The following ZNF736 variants were observed in gnomAD, a reference collection of about 807,000 sequenced individuals.
The protein encoded by ZNF736 is zinc finger protein 736.
A neutral mutation model predicts 11.7 loss-of-function variants in ZNF736; 6 were observed. The observed-to-expected ratio is 0.51, with a 90% confidence interval of 0.28 to 1.01. The LOEUF (loss-of-function observed/expected upper bound fraction) is 1.01, where lower values mean the gene tolerates loss of function less well. Among genes scored for constraint, ZNF736 ranks in the 50% least tolerant of loss-of-function variants. The pLI, the probability that ZNF736 is intolerant of heterozygous loss-of-function variation, is 0.09. For missense variants in ZNF736, 444 were observed against 496.0 expected (o/e 0.90, Z 1.00); for synonymous variants, 139 against 164.7 (o/e 0.84, Z 1.19).
In ZNF736 at chr7:64,338,718, G is replaced by GTT. The variant is rs34536557; in HGVS notation, c.226+1745_226+1746dup. ...ATATTCTATTTTGTATACATGCCAT[G>GTT]TTTTTTTTTTGTGCAGTCAGTTTCC... On this transcript the variant is annotated intron_variant, in intron 3 of 3. Transcript: ENST00000423484. Among the ~76,000 whole-genome samples, 1,440 of 147,908 alleles carry GTT rather than the reference G, an allele frequency of 9.7e-3. 16 individuals carry two copies. Among genetic ancestry groups the GTT allele is most frequent in the Middle Eastern group, 0.035 (10 of 288 alleles).
chr7:64,344,443 C>T (rs1488187304), intron 3 of ZNF736, among the ~76,000 whole-genome samples: 4 of 152,210 alleles, frequency 2.6e-5, no homozygotes, highest in Non-Finnish European at 5.9e-5. Context: ...CATGAATCCA[C>T]TACTCATTTT....
intron 2 of ZNF736, among the ~76,000 whole-genome samples, chr7:64,336,596 A>T (rs1441250318): frequency 6.6e-6 from 1 of 152,190 alleles, no homozygotes; most frequent in Non-Finnish European, 1.5e-5. Flanking sequence ...TGTATACTTC[A>T]GTCTAAATTA....
At chr7:64,336,510 G>A (rs1789252759) in intron 2 of ZNF736, 125 bp downstream of exon 2, 17 of 1,039,140 alleles carry the variant, frequency 1.6e-5, no homozygotes, top group Non-Finnish European at 2.1e-5. Context: ...AAAAAATTGG[G>A]TATCTGTTGA....
chr7:64,332,907 G>T (rs1156293271), intron 1 of ZNF736, among the ~76,000 whole-genome samples: 1 of 152,018 alleles, frequency 6.6e-6, no homozygotes, highest in African/African-American at 2.4e-5. Flanking sequence ...GTCTTCCCTT[G>T]TTCCCTAAAA....
Position 64,336,301 on chromosome 7 carries a change from G to T in ZNF736, c.46G>T (p.Glu16Ter). ...FRDVAVEFSP[E>*]EWECLDSAQQ... The stretch of plus-strand genomic sequence containing the variant: ...GGATGTGGCTGTAGAATTCTCCCCA[G>T]AAGAGTGGGAATGCCTGGACTCTGC... The change falls in exon 2 of 4, where the codon GAA becomes TAA. Residue 16 changes from glutamate to a stop codon, truncating the protein, a stop_gained. Transcript: ENST00000423484. LOFTEE classifies it high-confidence loss of function. The T allele has an allele frequency of 1.9e-6, 3 of 1,613,484 alleles. No homozygotes were observed. The highest frequency in any genetic ancestry group is 2.5e-6 in the Non-Finnish European group (3 of 1,179,720).
intron 1 of ZNF736, among the ~76,000 whole-genome samples, chr7:64,315,341 G>C (rs1372488598): frequency 6.6e-6 from 1 of 151,706 alleles, no homozygotes; most frequent in African/African-American, 2.4e-5. Flanking sequence ...TTGTTTGGGG[G>C]CTCAAAGGAG....
At chr7:64,318,707 CCAGTTATCTTT>C (rs1339922112) in intron 1 of ZNF736, among the ~76,000 whole-genome samples, 3 of 151,954 alleles carry the variant, frequency 2.0e-5, no homozygotes, top group African/African-American at 7.3e-5. Flanking sequence ...TAATTCATGA[CCAGTTATCTTT>C]AAGTTAATTC....
chr7:64,331,852 C>G (rs1789172082), intron 1 of ZNF736, among the ~76,000 whole-genome samples: 1 of 152,106 alleles, frequency 6.6e-6, no homozygotes, highest in East Asian at 1.9e-4. Context: ...GCATCTGTGG[C>G]AGAGAAAGGC....
intron 1 of ZNF736, 89 bp downstream of exon 1, chr7:64,314,242 G>A: frequency 1.3e-6 from 2 of 1,510,254 alleles, no homozygotes; most frequent in Non-Finnish European, 1.8e-6. Flanking sequence ...GGGCCTTCTC[G>A]CGGTCTGCTC....
chr7:64,329,781 C>T (rs369457538), intron 1 of ZNF736, among the ~76,000 whole-genome samples: 121 of 152,330 alleles, frequency 7.9e-4, no homozygotes, highest in African/African-American at 2.7e-3. Context: ...CTGATGTTCA[C>T]TCAAGACCCA....
At position 64,349,007 on chromosome 7, in the gene ZNF736, T is replaced by C; in HGVS notation, c.1144T>C (p.Ser382Pro). Residue 382 changes from serine (S) to proline (P), a missense_variant, in exon 4 of 4, where the codon TCA (serine) becomes CCA (proline). Ser to Pro is a moderately conservative substitution (Grantham distance 74). Coordinates refer to ENST00000423484, the MANE Select transcript of ZNF736 (RefSeq NM_001170905.3). Reference protein sequence around the residue: ...EECSKTFKCFSDLTNHKRIHT... With the variant: ...EECSKTFKCFPDLTNHKRIHT... ...ATGCAGCAAAACCTTTAAGTGCTTC[T>C]CAGACCTGACTAATCATAAGAGAAT... 1 of 1,596,960 alleles carries C rather than the reference T, an allele frequency of 6.3e-7. No homozygotes were observed. The highest frequency in any genetic ancestry group is 8.5e-7 in the Non-Finnish European group (1 of 1,171,020).
intron 1 of ZNF736, among the ~76,000 whole-genome samples, chr7:64,332,693 A>G (rs745749117): frequency 6.6e-6 from 1 of 152,030 alleles, no homozygotes. Flanking sequence ...TCTCAACCAC[A>G]CAAGACAGAC....
intron 1 of ZNF736, among the ~76,000 whole-genome samples, chr7:64,331,098 G>A (rs995887218): frequency 6.6e-6 from 1 of 152,158 alleles, no homozygotes; most frequent in African/African-American, 2.4e-5. Flanking sequence ...AAGTTTTCTG[G>A]CTCTGAGCCT....
rs370490896 is a variant in ZNF736 at position 64,323,792 on chromosome 7, G to A, written c.3+9639G>A. On this transcript the variant is annotated intron_variant, in intron 1 of 3. Transcript: ENST00000423484. ...CTAATGGGTGCTGAGCTTAATACAT[G>A]GGTGATGGGTTGATCTGTGCAGCAA... is the stretch of plus-strand genomic sequence containing the variant. 1.7e-3 allele frequency among the ~76,000 whole-genome samples: 263 copies of A among 152,230 alleles called. 1 individual carries two copies. Among genetic ancestry groups the A allele is most frequent in the South Asian group, 8.3e-3 (40 of 4,822 alleles).
At chr7:64,328,949 G>A (rs207467999) in intron 1 of ZNF736, among the ~76,000 whole-genome samples, 1 of 83,440 alleles carries the variant, frequency 1.2e-5, no homozygotes, top group Non-Finnish European at 2.3e-5. Flanking sequence ...TTGCCCTCTT[G>A]AGGCTATTTT....
intron 3 of ZNF736, among the ~76,000 whole-genome samples, chr7:64,345,499 G>A (rs1029678969): frequency 4.0e-5 from 6 of 151,550 alleles, no homozygotes; most frequent in Admixed American, 3.9e-4. Context: ...GGGAGGCCGA[G>A]GTGGGCACAT....
At chr7:64,332,403 G>T (rs570193598) in intron 1 of ZNF736, among the ~76,000 whole-genome samples, 1 of 152,088 alleles carries the variant, frequency 6.6e-6, no homozygotes, top group African/African-American at 2.4e-5. Flanking sequence ...AGGGGAGGGG[G>T]TGTAAAACAG....
In ZNF736 at chr7:64,349,624, TG is replaced by T. The variant is rs2115976381; in HGVS notation, c.*478del. 6.5e-6 allele frequency: 1 copy of T among 154,884 alleles called. No homozygotes were observed. Among genetic ancestry groups the T allele is most frequent in the African/African-American group, 2.4e-5 (1 of 41,598 alleles). The allele number at this position is 154,884 out of a possible 1,614,324, so 9.6% of individuals were successfully genotyped here. A position where few individuals can be genotyped will look rare whatever the true frequency, so the allele number is the denominator to read the frequency against. On this transcript the variant is annotated 3_prime_UTR_variant, in exon 4 of 4. Coordinates refer to ENST00000423484, the MANE Select transcript of ZNF736 (RefSeq NM_001170905.3). ...TTATTAGGATCTTAGCTGGCTATTT[TG>T]CACATTTGTTTCTGTGGTTGCTTTA... is the stretch of plus-strand genomic sequence containing the variant.
chr7:64,346,781 ATTTC>A (rs1295931394), intron 3 of ZNF736, among the ~76,000 whole-genome samples: 1 of 148,640 alleles, frequency 6.7e-6, no homozygotes, highest in Admixed American at 6.7e-5. Flanking sequence ...CACAATTTTT[ATTTC>A]TTTCTGTGCT....
Sources: gnomAD v4.1 joint callset for allele counts (sites outside exome capture counted in the v4.1 genomes callset) on GRCh38, gnomAD v4.1.1 for gene constraint, MANE v1.5 for transcripts, NCBI Gene and HGNC (gene_info 2026-07-23, HGNC 2026-07-21) for gene names.